The following UGT2B17 variants were observed in gnomAD, a reference collection of about 807,000 sequenced individuals.
The protein encoded by UGT2B17 is UDP glucuronosyltransferase family 2 member B17.
Under a neutral mutation model 48.2 loss-of-function variants are expected in UGT2B17, and 21 were observed. The ratio of observed to expected loss-of-function variants is 0.44; its 90% CI spans 0.31 to 0.63. UGT2B17 has a LOEUF of 0.63. Ranked by LOEUF, UGT2B17 falls within the 20% of genes least tolerant of loss-of-function variation. The probability of loss-of-function intolerance (pLI) is 0.08; values close to 1 mark genes in which losing one functional copy is unlikely to be tolerated. For missense variants in UGT2B17, 402 were observed against 696.1 expected (o/e 0.58, Z 4.75); for synonymous variants, 146 against 238.4 (o/e 0.61, Z 3.57).
chr4:68,545,959 G>A (rs1352206817), intron 6 of UGT2B17, among the ~76,000 whole-genome samples: 1 of 125,504 alleles, frequency 8.0e-6, no homozygotes, highest in African/African-American at 2.7e-5. Context: ...AAAAGTCCAG[G>A]ACCAGATGGA....
chr4:68,540,878 G>A lies in UGT2B17; in HGVS notation c.1314-2974C>T, dbSNP rs1206599811. 4.8e-5 allele frequency among the ~76,000 whole-genome samples: 6 copies of A among 125,022 alleles called. 1 individual carries two copies. The highest frequency in any genetic ancestry group is 1.6e-4 in the African/African-American group (6 of 36,502). The allele number at this position is 125,022 out of a possible 152,430, so 82.0% of individuals were successfully genotyped here. On this transcript the variant is annotated intron_variant, in intron 6 of 6. Transcript: ENST00000317746. ...TTCTCATTTTTCGACTCCCTCTTAT[G>A]AGTGAGAACATGTGGTGTTTGGTTT... is the stretch of plus-strand genomic sequence containing the variant.
At chr4:68,539,528 T>C (rs543661522) in intron 6 of UGT2B17, among the ~76,000 whole-genome samples, 2 of 124,550 alleles carry the variant, frequency 1.6e-5, no homozygotes, top group Admixed American at 1.7e-4. Context: ...TTGTTGGATG[T>C]ATACTTGGAA....
intron 1 of UGT2B17, among the ~76,000 whole-genome samples, chr4:68,568,815 A>C (rs1731252898): frequency 7.7e-6 from 1 of 129,788 alleles, no homozygotes; most frequent in Non-Finnish European, 1.6e-5. Context: ...ATTTTTTAAT[A>C]TCGTGGTGCA....
intron 1 of UGT2B17, 99 bp from the exon 2 acceptor site, chr4:68,568,647 C>G: frequency 1.4e-6 from 1 of 732,902 alleles, no homozygotes; most frequent in Non-Finnish European, 1.8e-6. Context: ...TTTACAATTA[C>G]TCTAGTCAAG....
At chr4:68,572,044 G>C (rs1478438577) in intron 1 of UGT2B17, among the ~76,000 whole-genome samples, 1 of 125,824 alleles carries the variant, frequency 7.9e-6, no homozygotes, top group African/African-American at 2.7e-5. Context: ...GAGGGGCTGA[G>C]TTTTCCTTTT....
At chr4:68,562,469 C>T (rs1163004372) in intron 3 of UGT2B17, among the ~76,000 whole-genome samples, 1 of 125,724 alleles carries the variant, frequency 8.0e-6, no homozygotes, top group Non-Finnish European at 1.7e-5. Context: ...ATTCATGAGG[C>T]ATCCAGGAAC....
At position 68,559,899 on chromosome 4, in the gene UGT2B17, C is replaced by T. The variant is rs1186356994; in HGVS notation, c.1005+638G>A. 8.0e-5 allele frequency among the ~76,000 whole-genome samples: 10 copies of T among 124,774 alleles called. 2 individuals are homozygous for T. Among genetic ancestry groups the T allele is most frequent in the African/African-American group, 2.8e-4 (10 of 36,134 alleles). 81.9% of individuals were successfully genotyped at this position (124,774 alleles called of 152,430 possible). ...TTTTCTGCTTAAGACATTAGCGGCA[C>T]CCAAGCCAGCAGAGCAGACAAGTTT... is the stretch of plus-strand genomic sequence containing the variant. On this transcript the variant is annotated intron_variant, in intron 4 of 6. Transcript: ENST00000317746.
rs185257691 is a variant in UGT2B17 at position 68,542,520 on chromosome 4, A to T, written c.1314-4616T>A. 2.0e-3 allele frequency among the ~76,000 whole-genome samples: 259 copies of T among 127,052 alleles called. 69 individuals are homozygous for T. The highest frequency in any genetic ancestry group is 2.6e-3 in the Non-Finnish European group (158 of 59,734). The allele number at this position is 127,052 out of a possible 152,430, so 83.4% of individuals were successfully genotyped here. A position where few individuals can be genotyped will look rare whatever the true frequency, so the allele number is the denominator to read the frequency against. On this transcript the variant is annotated intron_variant, in intron 6 of 6. Transcript: ENST00000317746. ...CTACAGCTCCCAGTGTGAATGACACAGATGAGGAATGATTTCTGCATTTCC... is the reference window on the plus strand; with the variant it reads ...CTACAGCTCCCAGTGTGAATGACACTGATGAGGAATGATTTCTGCATTTCC...
rs1356067168 is a variant in UGT2B17 at position 68,556,105 on chromosome 4, T to TA, written c.1006-4195dup. 2.4e-5 allele frequency among the ~76,000 whole-genome samples: 3 copies of TA among 123,134 alleles called. 1 individual carries two copies. Among genetic ancestry groups the TA allele is most frequent in the Admixed American group, 8.3e-5 (1 of 11,992 alleles). 80.8% of individuals were successfully genotyped at this position (123,134 alleles called of 152,430 possible). Reference sequence around the variant, plus strand: ...TCTGTGTAAGTCACAATAAGAAGATTAAAAAAACTTTTATATGATCAAGTT... The same window carrying TA: ...TCTGTGTAAGTCACAATAAGAAGATTAAAAAAAACTTTTATATGATCAAGTT... On this transcript the variant is annotated intron_variant, in intron 4 of 6. Transcript: ENST00000317746.
At chr4:68,557,229 T>C (rs2109769962) in intron 4 of UGT2B17, among the ~76,000 whole-genome samples, 1 of 125,574 alleles carries the variant, frequency 8.0e-6, no homozygotes, top group Admixed American at 8.2e-5. Context: ...TGTCTTTGAC[T>C]GAGGCTGCCC....
Position 68,574,258 on chromosome 4 carries a change from C to T in UGT2B17, c.-65+1693G>A, listed in dbSNP as rs1731335481. 1.6e-5 allele frequency among the ~76,000 whole-genome samples: 2 copies of T among 126,664 alleles called. 1 individual carries two copies. The highest frequency in any genetic ancestry group is 5.4e-5 in the African/African-American group (2 of 36,982). The allele number at this position is 126,664 out of a possible 152,430, so 83.1% of individuals were successfully genotyped here. Reference sequence around the variant, plus strand: ...AGTTTTTAGACCAAAGAAAGCTAAACATCATTTTATATTTAATGTTTCTTG... The same window carrying T: ...AGTTTTTAGACCAAAGAAAGCTAAATATCATTTTATATTTAATGTTTCTTG... On this transcript the variant is annotated intron_variant, in intron 1 of 6. Coordinates refer to ENST00000317746, the MANE Select transcript of UGT2B17 (RefSeq NM_001077.4).
chr4:68,568,468 A>G lies in UGT2B17; in HGVS notation c.17T>C (p.Met6Thr), dbSNP rs141579507. 38 of 1,356,066 alleles carry G rather than the reference A, an allele frequency of 2.8e-5. 9 individuals carry two copies. The highest frequency in any genetic ancestry group is 2.0e-4 in the African/African-American group (13 of 66,302). 84.0% of individuals were successfully genotyped at this position (1,356,066 alleles called of 1,614,324 possible). A position where few individuals can be genotyped will look rare whatever the true frequency, so the allele number is the denominator to read the frequency against. ...GAGCTGCATCAGCAGAAAGACTGAC[A>G]TCCATTTCAGAGACATCCTGGTCTT... is the stretch of plus-strand genomic sequence containing the variant. The part of the protein sequence containing the change: MSLKW[M>T]SVFLLMQLSC... The change falls in exon 2 of 7, where the codon ATG becomes ACG. Residue 6 changes from methionine (M) to threonine (T), a missense_variant. Transcript: ENST00000317746.
At chr4:68,569,208 A>T (rs1215016348) in intron 1 of UGT2B17, among the ~76,000 whole-genome samples, 1 of 126,396 alleles carries the variant, frequency 7.9e-6, no homozygotes, top group Non-Finnish European at 1.7e-5. Context: ...CAGACCAGCA[A>T]TTCTGAGAGG....
At chr4:68,558,851 A>T (rs148485743) in intron 4 of UGT2B17, among the ~76,000 whole-genome samples, 6,462 of 125,716 alleles carry the variant, frequency 0.051, 1,553 homozygotes, top group African/African-American at 0.16. Flanking sequence ...GCTCACTGAG[A>T]TAAATGCATA....
In UGT2B17 at chr4:68,559,263, T is replaced by G; in HGVS notation, c.1005+1274A>C. ...CTGCACATATGGTGAGAAATAATGC[T>G]ACATATGTAGTAAATTCAGACTATT... On this transcript the variant is annotated intron_variant, in intron 4 of 6. Coordinates refer to ENST00000317746, the MANE Select transcript of UGT2B17 (RefSeq NM_001077.4). Among the ~76,000 whole-genome samples the G allele has an allele frequency of 1.6e-5, 2 of 126,230 alleles. 1 individual carries two copies. Among genetic ancestry groups the G allele is most frequent in the Admixed American group, 1.6e-4 (2 of 12,328 alleles). 82.8% of individuals were successfully genotyped at this position (126,230 alleles called of 152,430 possible).
At chr4:68,547,519 G>T (rs1474876388) in intron 6 of UGT2B17, among the ~76,000 whole-genome samples, 3 of 123,730 alleles carry the variant, frequency 2.4e-5, no homozygotes, top group Non-Finnish European at 5.1e-5. Context: ...GCATGGGCAA[G>T]GACTTCATGA....
intron 1 of UGT2B17, among the ~76,000 whole-genome samples, chr4:68,571,910 C>T (rs1434713682): frequency 8.0e-6 from 1 of 125,730 alleles, no homozygotes; most frequent in African/African-American, 2.7e-5. Flanking sequence ...TATTAGGATG[C>T]TTACATTAGG....
At position 68,568,380 on chromosome 4, in the gene UGT2B17, A is replaced by G. The variant is rs1731244699; in HGVS notation, c.105T>C (p.His35=). ...CCAGGATTGTCTTCATATTTATCCA[A>G]TGGCTGTATTCTGTGGGCCACACCA... ...KVLVWPTEYS[H]WINMKTILEE... is the part of the protein sequence containing the mutation. The change falls in exon 2 of 7, where the codon CAT becomes CAC. Residue 35 remains histidine, a synonymous_variant. Coordinates refer to ENST00000317746, the MANE Select transcript of UGT2B17 (RefSeq NM_001077.4). 1 of 1,380,502 alleles carries G rather than the reference A, an allele frequency of 7.2e-7. No homozygotes were observed. The highest frequency in any genetic ancestry group is 9.5e-7 in the Non-Finnish European group (1 of 1,055,298). 85.5% of individuals were successfully genotyped at this position (1,380,502 alleles called of 1,614,324 possible). A position where few individuals can be genotyped will look rare whatever the true frequency, so the allele number is the denominator to read the frequency against.
intron 6 of UGT2B17, among the ~76,000 whole-genome samples, chr4:68,542,634 T>C (rs10866205): frequency 0.99 from 124,383 of 125,580 alleles, 61,847 homozygotes; most frequent in Middle Eastern, 1. Context: ...AGCCAAAGCA[T>C]GGCGAGGCAT....
Sources: gnomAD v4.1 joint callset for allele counts (sites outside exome capture counted in the v4.1 genomes callset) on GRCh38, gnomAD v4.1.1 for gene constraint, MANE v1.5 for transcripts, NCBI Gene and HGNC (gene_info 2026-07-23, HGNC 2026-07-21) for gene names.